The following NETO1 variants were observed in gnomAD, a reference collection of about 807,000 sequenced individuals.
NETO1 encodes neuropilin and tolloid like 1.
In NETO1, 26 loss-of-function variants were observed where a neutral mutation model predicts 61.3. That is an observed-to-expected ratio of 0.42 (90% CI 0.31 to 0.59). The LOEUF (loss-of-function observed/expected upper bound fraction) is 0.59, where lower values mean the gene tolerates loss of function less well. Among genes scored for constraint, NETO1 ranks in the 20% least tolerant of loss-of-function variants. The pLI is 0.12. For missense variants in NETO1, 531 were observed against 662.8 expected (o/e 0.80, Z 2.18); for synonymous variants, 225 against 225.8 (o/e 1.00, Z 0.03).
At position 72,867,649 on chromosome 18, in the gene NETO1, G is replaced by T; in HGVS notation, c.-358C>A. 6.3e-6 allele frequency: 1 copy of T among 160,000 alleles called. No homozygotes were observed. Among genetic ancestry groups the T allele is most frequent in the East Asian group, 1.8e-4 (1 of 5,596 alleles). 9.9% of individuals were successfully genotyped at this position (160,000 alleles called of 1,614,324 possible). ...CGGGCATCGTCGCCGCCGCGGGGTC[G>T]GGAGGACGCGGCGCGCGGGAGGCGG... On this transcript the variant is annotated 5_prime_UTR_variant, in exon 1 of 11. Transcript: ENST00000327305.
At chr18:72,798,574 C>T (rs1340826526) in intron 4 of NETO1, among the ~76,000 whole-genome samples, 4 of 152,114 alleles carry the variant, frequency 2.6e-5, no homozygotes, top group African/African-American at 9.7e-5. Flanking sequence ...AAATCCGCCA[C>T]TTATTTTAGT....
At chr18:72,856,931 C>G (rs1388777398) in intron 4 of NETO1, among the ~76,000 whole-genome samples, 1 of 152,188 alleles carries the variant, frequency 6.6e-6, no homozygotes, top group Non-Finnish European at 1.5e-5. Flanking sequence ...CTTCAGATTC[C>G]CTAAATGCTA....
intron 4 of NETO1, among the ~76,000 whole-genome samples, chr18:72,849,941 G>C (rs962649724): frequency 2.0e-5 from 3 of 152,148 alleles, no homozygotes; most frequent in Middle Eastern, 3.2e-3. Flanking sequence ...CCCATCACCC[G>C]ATCCTGACCC....
At chr18:72,761,249 A>G (rs1211849552) in intron 7 of NETO1, among the ~76,000 whole-genome samples, 1 of 152,230 alleles carries the variant, frequency 6.6e-6, no homozygotes, top group African/African-American at 2.4e-5. Flanking sequence ...AGTCGCGTCA[A>G]GGAGTTCTCT....
At chr18:72,784,414 T>G (rs908319945) in intron 6 of NETO1, among the ~76,000 whole-genome samples, 1 of 152,188 alleles carries the variant, frequency 6.6e-6, no homozygotes, top group Non-Finnish European at 1.5e-5. Flanking sequence ...GCTTCATTTT[T>G]GAGTCGAAGT....
chr18:72,818,591 A>G (rs1238652854), intron 4 of NETO1, among the ~76,000 whole-genome samples: 1 of 152,238 alleles, frequency 6.6e-6, no homozygotes, highest in Non-Finnish European at 1.5e-5. Flanking sequence ...TTGGAAAATA[A>G]GATTTTATGC....
chr18:72,762,074 T>C (rs2070992552), intron 7 of NETO1, among the ~76,000 whole-genome samples: 1 of 152,170 alleles, frequency 6.6e-6, no homozygotes, highest in African/African-American at 2.4e-5. Context: ...CCAGAAATCA[T>C]TATAGTGATG....
chr18:72,794,172 G>T lies in NETO1; in HGVS notation c.584C>A (p.Thr195Asn). ...CTTGCAATCAACAGCCTCGCTAGCA[G>T]TAGCTTTGCCTTCCTTCATAATTTG... ...SIQIMKEGKA[T>N]ASEAVDCKWY... Residue 195 changes from threonine (T) to asparagine (N), a missense_variant, in exon 6 of 11, where the codon ACT becomes AAT. Physicochemically the swap from Thr to Asn is moderately conservative, Grantham distance 65 (BLOSUM62 0). Coordinates refer to ENST00000327305, the MANE Select transcript of NETO1 (RefSeq NM_138966.5). 2 of 1,614,186 alleles carry T rather than the reference G, an allele frequency of 1.2e-6. No individual in the cohort carries two copies. The highest frequency in any genetic ancestry group is 2.2e-5 in the South Asian group (2 of 91,090).
rs574604770 is a variant in NETO1, at chr18:72,815,050, C to T, written c.470-20646G>A. On this transcript the variant is annotated intron_variant, in intron 4 of 10. Coordinates refer to ENST00000327305, the MANE Select transcript of NETO1 (RefSeq NM_138966.5). Reference sequence around the variant, plus strand: ...CAGGGATATTTACAGTTTTAAATCCCTGTGCTAAAAGGCAAAAATGCTCAA... The same window carrying T: ...CAGGGATATTTACAGTTTTAAATCCTTGTGCTAAAAGGCAAAAATGCTCAA... Among the ~76,000 whole-genome samples the T allele has an allele frequency of 2.0e-5, 3 of 152,180 alleles. No homozygotes were observed. In the South Asian group the frequency reaches 6.2e-4, roughly 32 times the overall value.
chr18:72,817,259 C>T (rs952096530), intron 4 of NETO1, among the ~76,000 whole-genome samples: 1 of 152,118 alleles, frequency 6.6e-6, no homozygotes, highest in East Asian at 1.9e-4. Context: ...AGCAAACATA[C>T]CGTGAAGAAA....
At chr18:72,764,772 C>T (rs1011209100) in intron 7 of NETO1, among the ~76,000 whole-genome samples, 17 of 152,164 alleles carry the variant, frequency 1.1e-4, no homozygotes, top group Non-Finnish European at 2.5e-4. Context: ...CTTTTTAATT[C>T]TCACCTCCCA....
intron 4 of NETO1, among the ~76,000 whole-genome samples, chr18:72,849,515 G>C (rs953986660): frequency 6.6e-6 from 1 of 152,264 alleles, no homozygotes. Flanking sequence ...GTAAGTTTAA[G>C]GCAATATAGA....
At chr18:72,792,538 G>A (rs2072158278) in intron 6 of NETO1, among the ~76,000 whole-genome samples, 1 of 151,396 alleles carries the variant, frequency 6.6e-6, no homozygotes, top group South Asian at 2.1e-4. Context: ...CCTCATGTTG[G>A]ACCACCATGG....
In NETO1 at chr18:72,747,268, G is replaced by A. The variant is rs541844366; in HGVS notation, c.*911C>T. On this transcript the variant is annotated 3_prime_UTR_variant, in exon 11 of 11. Transcript: ENST00000327305. The stretch of plus-strand genomic sequence containing the variant: ...TTTATATATATTTATATAAAAAGTC[G>A]TAAGTAGCAAGCATATGACATAAAG... The A allele has an allele frequency of 4.5e-4, 68 of 151,866 alleles. No homozygotes were observed. The highest frequency in any genetic ancestry group is 1.7e-3 in the South Asian group (8 of 4,816). The allele number at this position is 151,866 out of a possible 1,614,324, so 9.4% of individuals were successfully genotyped here. A position where few individuals can be genotyped will look rare whatever the true frequency, so the allele number is the denominator to read the frequency against.
intron 4 of NETO1, among the ~76,000 whole-genome samples, chr18:72,827,716 CAAA>C (rs535573315): frequency 4.0e-5 from 4 of 100,372 alleles, no homozygotes; most frequent in Admixed American, 1.1e-4. Flanking sequence ...GACCCTGTCT[CAAA>C]AAAAAAAAAA....
intron 4 of NETO1, among the ~76,000 whole-genome samples, chr18:72,839,202 A>T (rs1355942966): frequency 6.6e-6 from 1 of 152,214 alleles, no homozygotes; most frequent in Non-Finnish European, 1.5e-5. Flanking sequence ...GAAATGAAGA[A>T]TCTGAATCCC....
At chr18:72,799,917 A>G (rs1248132319) in intron 4 of NETO1, among the ~76,000 whole-genome samples, 1 of 152,226 alleles carries the variant, frequency 6.6e-6, no homozygotes, top group East Asian at 1.9e-4. Context: ...TGCTCAACAA[A>G]CTCAATCTGT....
intron 7 of NETO1, among the ~76,000 whole-genome samples, chr18:72,772,665 T>C (rs1009931497): frequency 6.6e-6 from 1 of 151,228 alleles, no homozygotes; most frequent in African/African-American, 2.4e-5. Flanking sequence ...GGTTCTGTTC[T>C]CTGAGACAGC....
downstream of NETO1, chr18:72,742,799 T>C (rs926850931): frequency 1.3e-5 from 2 of 152,184 alleles, no homozygotes; most frequent in African/African-American, 4.8e-5. Flanking sequence ...CAAATATTAT[T>C]AATTAGTCAT....
Sources: gnomAD v4.1 joint callset for allele counts (sites outside exome capture counted in the v4.1 genomes callset) on GRCh38, gnomAD v4.1.1 for gene constraint, MANE v1.5 for transcripts, NCBI Gene and HGNC (gene_info 2026-07-23, HGNC 2026-07-21) for gene names.